Variants in IL17RD observed in about 807,000 individuals in gnomAD.
The protein encoded by IL17RD is interleukin 17 receptor D, also known as interleukin-17 receptor D.
Under a neutral mutation model 80.5 loss-of-function variants are expected in IL17RD, and 52 were observed. That is an observed-to-expected ratio of 0.65 (90% CI 0.52 to 0.81). IL17RD has a LOEUF of 0.81. IL17RD is among the 40% of genes least tolerant of loss of function. The probability of loss-of-function intolerance (pLI) is 0.00; values close to 1 mark genes in which losing one functional copy is unlikely to be tolerated. For missense variants in IL17RD, 1,024 were observed against 955.1 expected (o/e 1.07, Z -0.95); for synonymous variants, 416 against 391.8 (o/e 1.06, Z -0.73).
chr3:57,163,984 AG>A (rs2060326674), intron 1 of IL17RD, among the ~76,000 whole-genome samples: 1 of 152,126 alleles, frequency 6.6e-6, no homozygotes, highest in Admixed American at 6.5e-5. Context: ...GTTATGTCCT[AG>A]GTTTTGGCTG....
At chr3:57,101,501 CT>C (rs1706829077) in intron 10 of IL17RD, 138 bp from the exon 11 acceptor site, 7 of 567,010 alleles carry the variant, frequency 1.2e-5, no homozygotes, top group Non-Finnish European at 2.2e-5. Flanking sequence ...CATCAGCCCC[CT>C]CTGATCATCA....
intron 1 of IL17RD, among the ~76,000 whole-genome samples, chr3:57,152,236 C>A (rs546222149): frequency 6.6e-6 from 1 of 152,304 alleles, no homozygotes; most frequent in South Asian, 2.1e-4. Flanking sequence ...GTCCAGCATG[C>A]ATTCCAGCCC....
intron 1 of IL17RD, among the ~76,000 whole-genome samples, chr3:57,152,037 T>C (rs1325781972): frequency 1.3e-5 from 2 of 152,164 alleles, no homozygotes; most frequent in African/African-American, 2.4e-5. Flanking sequence ...TGCCTCCTTC[T>C]ACACAAAAAT....
chr3:57,107,362 G>C (rs1278323668), intron 5 of IL17RD, among the ~76,000 whole-genome samples: 1 of 147,504 alleles, frequency 6.8e-6, no homozygotes, highest in African/African-American at 2.5e-5. Context: ...CTGGGCGACA[G>C]AGCGAAACTC....
At chr3:57,142,536 TC>T (rs1559482391) in intron 1 of IL17RD, 1 of 1,279,006 alleles carries the variant, frequency 7.8e-7, no homozygotes, top group East Asian at 5.6e-5. Flanking sequence ...CCGTCTGACC[TC>T]CCCCACTCCG....
chr3:57,132,450 ACT>A (rs1426489317), intron 1 of IL17RD, among the ~76,000 whole-genome samples: 1 of 152,078 alleles, frequency 6.6e-6, no homozygotes, highest in Non-Finnish European at 1.5e-5. Flanking sequence ...ACAGAGTAAG[ACT>A]CTGTCTCAAA....
At chr3:57,164,925 C>A in intron 1 of IL17RD, 3 of 1,267,502 alleles carry the variant, frequency 2.4e-6, no homozygotes, top group Non-Finnish European at 3.0e-6. Context: ...GGCGGCCGCA[C>A]CTCATTAGCA....
intron 11 of IL17RD, among the ~76,000 whole-genome samples, chr3:57,099,024 G>C (rs1706766656): frequency 6.6e-6 from 1 of 152,218 alleles, no homozygotes; most frequent in Non-Finnish European, 1.5e-5. Context: ...AGTGAGCTGG[G>C]AGATGGGGCT....
rs933126378 is a variant in IL17RD, at chr3:57,097,842, C to T, written c.1861G>A (p.Glu621Lys). 5 of 1,612,410 alleles carry T rather than the reference C, an allele frequency of 3.1e-6. No individual in the cohort carries two copies. Among genetic ancestry groups the T allele is most frequent in the Non-Finnish European group, 2.5e-6 (3 of 1,179,262 alleles). The change falls in exon 12 of 13, where the codon GAG (glutamate) becomes AAG (lysine). Residue 621 changes from glutamate (E) to lysine (K), a missense_variant. Coordinates refer to ENST00000296318, the MANE Select transcript of IL17RD (RefSeq NM_017563.5). ...GATGPADSQH[E>K]SQHGGLDQDG... ...TGGTCCAGGCCCCCATGCTGACTCT[C>T]GTGCTGGGAGTCGGCTGGTCCGGTT... is the stretch of plus-strand genomic sequence containing the variant.
intron 2 of IL17RD, among the ~76,000 whole-genome samples, chr3:57,119,990 C>T (rs527445038): frequency 2.0e-4 from 30 of 152,288 alleles, no homozygotes; most frequent in Admixed American, 1.7e-3. Flanking sequence ...ATGTCCTTAA[C>T]AACACATGCA....
chr3:57,160,059 C>G (rs1397739109), intron 1 of IL17RD, among the ~76,000 whole-genome samples: 1 of 152,176 alleles, frequency 6.6e-6, no homozygotes, highest in Non-Finnish European at 1.5e-5. Context: ...GTAATCCCAA[C>G]TACTCGGGAG....
upstream of IL17RD, among the ~76,000 whole-genome samples, chr3:57,169,610 A>C (rs1268661576): frequency 1.3e-5 from 2 of 152,202 alleles, no homozygotes; most frequent in East Asian, 3.8e-4. Context: ...GGAATAACTA[A>C]ATACTATTTT....
chr3:57,145,913 C>A (rs997818682), intron 1 of IL17RD, among the ~76,000 whole-genome samples: 9 of 152,130 alleles, frequency 5.9e-5, no homozygotes, highest in African/African-American at 2.2e-4. Context: ...TGGCTTCTAG[C>A]CCAAGATCGG....
chr3:57,165,766 C>T (rs2060345421), upstream of IL17RD, among the ~76,000 whole-genome samples: 1 of 152,118 alleles, frequency 6.6e-6, no homozygotes, highest in Non-Finnish European at 1.5e-5. Context: ...GTTTTAGGCG[C>T]AGAAAAGTTA....
chr3:57,134,182 G>T, intron 1 of IL17RD: 1 of 676,820 alleles, frequency 1.5e-6, no homozygotes, highest in Non-Finnish European at 2.8e-6. Context: ...AGTGTCCTCT[G>T]CTGTGGCAAG....
Position 57,101,230 on chromosome 3 carries a change from C to G in IL17RD, c.1113G>C (p.Met371Ile). ...CYSSKDGQNH[M>I]NVVQCFAYFL... Reference sequence around the variant, plus strand: ...AGTAGGCGAAACACTGGACGACATTCATGTGATTCTGGCCATCTTTACTGG... The same window carrying G: ...AGTAGGCGAAACACTGGACGACATTGATGTGATTCTGGCCATCTTTACTGG... Residue 371 changes from methionine (M) to isoleucine (I), a missense_variant, in exon 11 of 13, where the codon ATG (methionine) becomes ATC (isoleucine). Transcript: ENST00000296318. 1 of 1,613,740 alleles carries G rather than the reference C, an allele frequency of 6.2e-7. No homozygotes were observed. The highest frequency in any genetic ancestry group is 2.2e-5 in the East Asian group (1 of 44,884).
intron 1 of IL17RD, among the ~76,000 whole-genome samples, chr3:57,153,630 T>C (rs1310914289): frequency 6.6e-6 from 1 of 152,170 alleles, no homozygotes; most frequent in Non-Finnish European, 1.5e-5. Context: ...ACGTTATGAA[T>C]TGGTAACTTT....
intron 1 of IL17RD, chr3:57,142,390 G>A: frequency 1.7e-6 from 1 of 585,614 alleles, no homozygotes; most frequent in Non-Finnish European, 2.9e-6. Context: ...GAAACAAAGG[G>A]TAGGAGAGAC....
rs1174257496 is a variant in IL17RD at position 57,092,261 on chromosome 3, C to T, written c.*4132G>A. ...AAAAAAATTATGCCAAGAGCTAAAACTATAAACAAAGCCCTTTAGGTTGTG... is the reference window on the plus strand; with the variant it reads ...AAAAAAATTATGCCAAGAGCTAAAATTATAAACAAAGCCCTTTAGGTTGTG... On this transcript the variant is annotated 3_prime_UTR_variant, in exon 13 of 13. Transcript: ENST00000296318. 1 of 152,582 alleles carries T rather than the reference C, an allele frequency of 6.6e-6. No individual in the cohort carries two copies. Among genetic ancestry groups the T allele is most frequent in the Non-Finnish European group, 1.5e-5 (1 of 68,052 alleles). 9.5% of individuals were successfully genotyped at this position (152,582 alleles called of 1,614,324 possible). A position where few individuals can be genotyped will look rare whatever the true frequency, so the allele number is the denominator to read the frequency against.
Sources: gnomAD v4.1 joint callset for allele counts (sites outside exome capture counted in the v4.1 genomes callset) on GRCh38, gnomAD v4.1.1 for gene constraint, MANE v1.5 for transcripts, NCBI Gene and HGNC (gene_info 2026-07-23, HGNC 2026-07-21) for gene names.